Variants in ATP10B observed in about 807,000 individuals in gnomAD.
ATP10B encodes ATPase phospholipid transporting 10B (putative), also known as phospholipid-transporting ATPase VB.
Under a neutral mutation model 141.2 loss-of-function variants are expected in ATP10B, and 122 were observed. That is an observed-to-expected ratio of 0.86 (90% CI 0.75 to 1.00). The LOEUF (loss-of-function observed/expected upper bound fraction) is 1.00, where lower values mean the gene tolerates loss of function less well. Ranked by LOEUF, ATP10B falls within the 50% of genes least tolerant of loss-of-function variation. The pLI is 0.00. For missense variants in ATP10B, 1,876 were observed against 1,825.3 expected, an observed-to-expected ratio of 1.03 and a Z score of -0.51; for synonymous variants, 685 against 692.0, an observed-to-expected ratio of 0.99 and a Z score of 0.16.
At chr5:160,889,355 GCAAAAGAAC>G in the ATP10B span, among the ~76,000 whole-genome samples, 4 of 152,170 alleles carry the variant, frequency 2.6e-5, no homozygotes, top group Non-Finnish European at 4.4e-5. Context: ...CCTGCTTCTT[GCAAAAGAAC>G]CAGCTGTTGT....
the ATP10B span, among the ~76,000 whole-genome samples, chr5:160,858,081 G>A: frequency 6.6e-6 from 1 of 151,428 alleles, no homozygotes; most frequent in Non-Finnish European, 1.5e-5. Context: ...TTGAGAGTGG[G>A]GTATTGTGGA....
intron 1 of ATP10B, among the ~76,000 whole-genome samples, chr5:160,825,186 A>G (rs1373952836): frequency 6.6e-6 from 1 of 152,186 alleles, no homozygotes; most frequent in African/African-American, 2.4e-5. Flanking sequence ...GACCTAGCAC[A>G]TGTCTCGCAT....
intron 2 of ATP10B, among the ~76,000 whole-genome samples, chr5:160,759,149 G>A (rs1768849136): frequency 6.6e-6 from 1 of 151,848 alleles, no homozygotes; most frequent in South Asian, 2.1e-4. Flanking sequence ...TGTCTTTCTG[G>A]GCCCTTTCAG....
intron 3 of ATP10B, among the ~76,000 whole-genome samples, chr5:160,698,102 A>G (rs1581376783): frequency 6.6e-6 from 1 of 152,222 alleles, no homozygotes; most frequent in African/African-American, 2.4e-5. Context: ...TTACATCAAA[A>G]TATCCTACTG....
intron 10 of ATP10B, among the ~76,000 whole-genome samples, chr5:160,640,005 A>G (rs1159875169): frequency 6.6e-6 from 1 of 152,254 alleles, no homozygotes; most frequent in African/African-American, 2.4e-5. Context: ...GTGAGAATCT[A>G]ATGCCACCAC....
At chr5:160,756,687 T>C (rs1490226287) in intron 2 of ATP10B, among the ~76,000 whole-genome samples, 2 of 152,224 alleles carry the variant, frequency 1.3e-5, no homozygotes, top group South Asian at 2.1e-4. Flanking sequence ...TTCAAATCTC[T>C]TTTTAAAATT....
At chr5:160,778,540 C>G (rs1260688276) in intron 2 of ATP10B, among the ~76,000 whole-genome samples, 1 of 152,170 alleles carries the variant, frequency 6.6e-6, no homozygotes, top group Non-Finnish European at 1.5e-5. Flanking sequence ...ATCCCATAAG[C>G]CCACTTGATT....
intron 2 of ATP10B, among the ~76,000 whole-genome samples, chr5:160,784,562 C>T (rs979371033): frequency 6.6e-6 from 1 of 152,098 alleles, no homozygotes; most frequent in African/African-American, 2.4e-5. Context: ...TTTAAGTTGG[C>T]AGTGATGTTT....
At chr5:160,677,344 AG>A (rs1173987281) in intron 6 of ATP10B, among the ~76,000 whole-genome samples, 1 of 152,156 alleles carries the variant, frequency 6.6e-6, no homozygotes, top group Non-Finnish European at 1.5e-5. Context: ...TTCAGAAAGG[AG>A]CCTGGTTTGT....
chr5:160,753,416 T>C (rs1264057833), intron 2 of ATP10B, among the ~76,000 whole-genome samples: 2 of 152,340 alleles, frequency 1.3e-5, no homozygotes, highest in African/African-American at 4.8e-5. Flanking sequence ...AAGTAGCAAG[T>C]ACTCAGAATC....
At chr5:160,599,753 C>T (rs1756979110) in intron 21 of ATP10B, among the ~76,000 whole-genome samples, 1 of 152,198 alleles carries the variant, frequency 6.6e-6, no homozygotes. Context: ...CTCAAGATCT[C>T]CTCTCTTGTG....
chr5:160,863,551 A>G, the ATP10B span, among the ~76,000 whole-genome samples: 1 of 152,038 alleles, frequency 6.6e-6, no homozygotes, highest in Non-Finnish European at 1.5e-5. Flanking sequence ...ACCTCAAGAA[A>G]CTAGAGAAAC....
intron 24 of ATP10B, among the ~76,000 whole-genome samples, chr5:160,576,701 A>AG (rs1453988120): frequency 6.6e-6 from 1 of 152,216 alleles, no homozygotes; most frequent in Non-Finnish European, 1.5e-5. Flanking sequence ...GAAATGGGAG[A>AG]GAAATTAGCA....
the ATP10B span, among the ~76,000 whole-genome samples, chr5:160,912,414 CAAAAAAAAAAAAAA>C: frequency 3.4e-5 from 3 of 88,908 alleles, no homozygotes; most frequent in Non-Finnish European, 4.5e-5. Flanking sequence ...CTGTTTCTAC[CAAAAAAAAAAAAAA>C]AAAAAAAAAA....
At chr5:160,604,987 A>C (rs529933662) in intron 19 of ATP10B, among the ~76,000 whole-genome samples, 3 of 152,356 alleles carry the variant, frequency 2.0e-5, no homozygotes, top group African/African-American at 7.2e-5. Context: ...GCCAAGAAGC[A>C]AAATTGAACA....
At chr5:160,749,819 C>A (rs1302216517) in intron 2 of ATP10B, among the ~76,000 whole-genome samples, 1 of 151,554 alleles carries the variant, frequency 6.6e-6, no homozygotes, top group African/African-American at 2.4e-5. Flanking sequence ...GATCCTTTTG[C>A]CAGCTGGTCG....
intron 24 of ATP10B, among the ~76,000 whole-genome samples, chr5:160,577,758 G>A (rs371024102): frequency 2.3e-4 from 35 of 151,546 alleles, no homozygotes; most frequent in African/African-American, 8.5e-4. Context: ...TTTATTGCTG[G>A]TTTCTAATTT....
intron 2 of ATP10B, among the ~76,000 whole-genome samples, chr5:160,728,543 C>A (rs151248251): frequency 7.2e-5 from 11 of 152,268 alleles, no homozygotes; most frequent in African/African-American, 2.6e-4. Context: ...AAAGTGGGAA[C>A]TCTGCATTTG....
the ATP10B span, among the ~76,000 whole-genome samples, chr5:160,884,897 A>G: frequency 6.6e-6 from 1 of 152,210 alleles, no homozygotes; most frequent in East Asian, 1.9e-4. Context: ...TTGCAGGAAA[A>G]AGTTATATTC....
Sources: allele counts gnomAD v4.1 joint callset (sites outside exome capture counted in the v4.1 genomes callset), GRCh38; gene constraint gnomAD v4.1.1; transcripts MANE v1.5; gene names NCBI Gene and HGNC (gene_info 2026-07-23, HGNC 2026-07-21).